MAPK10: variants seen among roughly 807,000 people sequenced by gnomAD.
MAPK10 encodes the protein JNK3 alpha protein kinase.
Under a neutral mutation model 59.3 loss-of-function variants are expected in MAPK10, and 25 were observed. The ratio of observed to expected loss-of-function variants is 0.42; its 90% CI spans 0.31 to 0.59. MAPK10 has a LOEUF of 0.59. Ranked by LOEUF, MAPK10 falls within the 20% of genes least tolerant of loss-of-function variation. The probability of loss-of-function intolerance (pLI) is 0.15; values close to 1 mark genes in which losing one functional copy is unlikely to be tolerated. For synonymous variants in MAPK10, 190 were observed against 200.5 expected (o/e 0.95, Z 0.44); for missense variants, 351 against 568.9 (o/e 0.62, Z 3.90).
chr4:86,218,305 C>T (rs917380837), intron 2 of MAPK10, among the ~76,000 whole-genome samples: 24 of 152,104 alleles, frequency 1.6e-4, no homozygotes, highest in Non-Finnish European at 2.6e-4. Flanking sequence ...CTCAGCCTCC[C>T]GAGTGGCTGG....
intron 4 of MAPK10, chr4:86,124,400 T>C (rs2059740687): frequency 6.6e-6 from 1 of 151,956 alleles, no homozygotes; most frequent in Non-Finnish European, 1.5e-5. Context: ...AATCGGCATA[T>C]TTTCTTGGCA....
chr4:86,242,334 C>T (rs528603735), intron 2 of MAPK10, among the ~76,000 whole-genome samples: 4 of 152,214 alleles, frequency 2.6e-5, no homozygotes, highest in Admixed American at 6.5e-5. Context: ...CCCAGTTGGG[C>T]GGCACGGGGA....
intron 3 of MAPK10, among the ~76,000 whole-genome samples, chr4:86,177,116 T>C (rs2149273077): frequency 6.6e-6 from 1 of 152,184 alleles, no homozygotes; most frequent in South Asian, 2.1e-4. Context: ...GGTTCATATC[T>C]CAAAACCACA....
intron 1 of MAPK10, among the ~76,000 whole-genome samples, chr4:86,515,647 T>G (rs1201497526): frequency 6.6e-6 from 1 of 152,182 alleles, no homozygotes; most frequent in Non-Finnish European, 1.5e-5. Flanking sequence ...TTGAGAATTG[T>G]CTATTCATGT....
intron 1 of MAPK10, among the ~76,000 whole-genome samples, chr4:86,401,659 T>G (rs1006857418): frequency 2.6e-5 from 4 of 152,204 alleles, no homozygotes; most frequent in African/African-American, 9.6e-5. Flanking sequence ...ATAATCTCTA[T>G]GTCTATTTTA....
At chr4:86,361,205 C>T (rs747808457), upstream of MAPK10, among the ~76,000 whole-genome samples, 4 of 152,154 alleles carry the variant, frequency 2.6e-5, no homozygotes, top group African/African-American at 4.8e-5. Context: ...GAAACGCATA[C>T]GTTTTTGTTG....
intron 9 of MAPK10, chr4:86,082,334 T>C (rs375479743): frequency 4.9e-4 from 74 of 152,356 alleles, no homozygotes; most frequent in African/African-American, 1.8e-3. Flanking sequence ...GCATTTCATA[T>C]TAACTCACTT....
At chr4:86,090,211 G>A (rs1039927698) in intron 9 of MAPK10, 1 of 151,318 alleles carries the variant, frequency 6.6e-6, no homozygotes, top group East Asian at 2.0e-4. Context: ...ATTCTTGTGG[G>A]GGGAAAAATA....
At chr4:86,449,119 C>A (rs996601157) in intron 1 of MAPK10, among the ~76,000 whole-genome samples, 6 of 152,116 alleles carry the variant, frequency 3.9e-5, no homozygotes, top group Non-Finnish European at 7.4e-5. Flanking sequence ...CTGCTCACCT[C>A]CTGCTGTGCA....
intron 1 of MAPK10, among the ~76,000 whole-genome samples, chr4:86,423,648 G>A (rs1746820857): frequency 6.6e-6 from 1 of 151,440 alleles, no homozygotes; most frequent in Non-Finnish European, 1.5e-5. Context: ...TTGTGAAGGG[G>A]CATTAATATA....
intron 4 of MAPK10, chr4:86,117,813 T>TC (rs1252355264): frequency 6.6e-6 from 1 of 152,048 alleles, no homozygotes; most frequent in Non-Finnish European, 1.5e-5. Flanking sequence ...GGAAGCAGAG[T>TC]CCCCAATGAA....
intron 1 of MAPK10, among the ~76,000 whole-genome samples, chr4:86,484,709 C>A (rs918068064): frequency 2.6e-5 from 4 of 151,796 alleles, no homozygotes; most frequent in Admixed American, 1.3e-4. Flanking sequence ...GTGAACCAGA[C>A]AAAATGTGGG....
chr4:86,241,635 G>A (rs756248162), intron 2 of MAPK10, among the ~76,000 whole-genome samples: 9 of 151,956 alleles, frequency 5.9e-5, no homozygotes, highest in Non-Finnish European at 8.8e-5. Flanking sequence ...TGATACTTGC[G>A]TATGCATCAT....
intron 2 of MAPK10, among the ~76,000 whole-genome samples, chr4:86,353,677 G>T (rs1322442174): frequency 2.0e-5 from 3 of 152,032 alleles, no homozygotes; most frequent in African/African-American, 4.8e-5. Context: ...GCAGTCATAG[G>T]CTGTGCATTA....
intron 1 of MAPK10, among the ~76,000 whole-genome samples, chr4:86,478,693 A>C (rs1167268357): frequency 6.6e-6 from 1 of 152,026 alleles, no homozygotes; most frequent in Non-Finnish European, 1.5e-5. Context: ...CCATGACTAT[A>C]TCTCTCTGAT....
At chr4:86,025,992 T>A (rs2148907297) in intron 13 of MAPK10, among the ~76,000 whole-genome samples, 1 of 152,342 alleles carries the variant, frequency 6.6e-6, no homozygotes, top group East Asian at 1.9e-4. Context: ...GCCTGAGATT[T>A]TTTAATAAAA....
Position 86,372,564 on chromosome 4 carries a change from G to GAAAGAAAGGAAGGAAAAGAAAAGA in MAPK10, c.-121-17921_-121-17920insTCTTTTCTTTTCCTTCCTTTCTTT. ...AGAAAGAAAGAAAGAAAGAAAGAAA[G>GAAAGAAAGGAAGGAAAAGAAAAGA]AAAGAAAAGAAAAGAAAAGAAAAGA... On this transcript the variant is annotated intron_variant, in intron 1 of 13. Transcript: ENST00000361569. Among the ~76,000 whole-genome samples the GAAAGAAAGGAAGGAAAAGAAAAGA allele has an allele frequency of 7.1e-4, 56 of 78,706 alleles. 2 individuals carry two copies. Among genetic ancestry groups the GAAAGAAAGGAAGGAAAAGAAAAGA allele is most frequent in the African/African-American group, 2.4e-3 (55 of 22,578 alleles). 51.6% of individuals were successfully genotyped at this position (78,706 alleles called of 152,430 possible).
intron 2 of MAPK10, among the ~76,000 whole-genome samples, chr4:86,320,132 T>TA (rs2095861102): frequency 6.6e-6 from 1 of 152,194 alleles, no homozygotes; most frequent in African/African-American, 2.4e-5. Flanking sequence ...TGTATGACCT[T>TA]AGACAAGTCA....
intron 11 of MAPK10, among the ~76,000 whole-genome samples, chr4:86,046,677 C>T (rs10028075): frequency 0.45 from 67,595 of 151,892 alleles, 15,623 homozygotes; most frequent in African/African-American, 0.56. Context: ...TCTGACATTA[C>T]TCAAATAATT....
Sources: allele counts gnomAD v4.1 joint callset (sites outside exome capture counted in the v4.1 genomes callset), GRCh38; gene constraint gnomAD v4.1.1; transcripts MANE v1.5; gene names NCBI Gene and HGNC (gene_info 2026-07-23, HGNC 2026-07-21).